RBM46: variants seen among roughly 807,000 people sequenced by gnomAD.
RBM46 encodes the protein RNA binding motif protein 46.
A neutral mutation model predicts 43.3 loss-of-function variants in RBM46; 12 were observed. The observed-to-expected ratio is 0.28, with a 90% CI of 0.18 to 0.45. RBM46 has a LOEUF of 0.45. Among genes scored for constraint, RBM46 ranks in the 20% least tolerant of loss-of-function variants. RBM46 has a pLI of 1.00. For synonymous variants in RBM46, 205 were observed against 207.6 expected, an observed-to-expected ratio of 0.99 and a Z score of 0.11; for missense variants, 412 against 639.1, an observed-to-expected ratio of 0.64 and a Z score of 3.83.
At chr4:154,789,667 A>G (rs546414801) in intron 1 of RBM46, among the ~76,000 whole-genome samples, 1 of 152,288 alleles carries the variant, frequency 6.6e-6, no homozygotes, top group East Asian at 1.9e-4. Flanking sequence ...AGGCTTTGGT[A>G]TCAGGATGAT....
At chr4:154,803,869 G>A (rs937348123) in intron 4 of RBM46, among the ~76,000 whole-genome samples, 2 of 152,072 alleles carry the variant, frequency 1.3e-5, no homozygotes, top group African/African-American at 2.4e-5. Context: ...CCCCAGTGTT[G>A]GAGTTGGGGT....
intron 4 of RBM46, among the ~76,000 whole-genome samples, chr4:154,801,295 G>T (rs764321400): frequency 3.3e-5 from 5 of 152,130 alleles, no homozygotes; most frequent in African/African-American, 4.8e-5. Flanking sequence ...AGCAAAACTT[G>T]TGGGACTAAA....
At chr4:154,803,702 C>CAAAAAAA (rs35506499) in intron 4 of RBM46, among the ~76,000 whole-genome samples, 1 of 41,324 alleles carries the variant, frequency 2.4e-5, no homozygotes, top group Non-Finnish European at 4.3e-5. Context: ...GACTACGTCT[C>CAAAAAAA]AAAAAAAAAA....
intron 2 of RBM46, among the ~76,000 whole-genome samples, chr4:154,797,231 A>C (rs1000647799): frequency 2.6e-5 from 4 of 152,204 alleles, no homozygotes; most frequent in Non-Finnish European, 5.9e-5. Context: ...AACAGCAGTG[A>C]GTAAGTGAGT....
intron 4 of RBM46, among the ~76,000 whole-genome samples, chr4:154,811,049 GAC>G (rs1735148205): frequency 6.6e-6 from 1 of 152,144 alleles, no homozygotes; most frequent in Non-Finnish European, 1.5e-5. Context: ...TAGTGAATTA[GAC>G]ACAGTTGCTG....
At chr4:154,781,738 G>C (rs72959248) in intron 1 of RBM46, 8,735 of 153,054 alleles carry the variant, frequency 0.057, 439 homozygotes, top group East Asian at 0.18. Context: ...GGCGCCCTGC[G>C]CTCTCCGCCT....
At chr4:154,802,181 T>C (rs1734669205) in intron 4 of RBM46, among the ~76,000 whole-genome samples, 1 of 152,338 alleles carries the variant, frequency 6.6e-6, no homozygotes, top group African/African-American at 2.4e-5. Flanking sequence ...CTTATGGTGC[T>C]TGACTACCTA....
intron 1 of RBM46, among the ~76,000 whole-genome samples, chr4:154,795,965 C>T (rs1024742544): frequency 6.6e-6 from 1 of 151,984 alleles, no homozygotes; most frequent in African/African-American, 2.4e-5. Flanking sequence ...TGAGACCAGC[C>T]TGGGCAACGT....
At chr4:154,791,792 G>A (rs1734107734) in intron 1 of RBM46, among the ~76,000 whole-genome samples, 1 of 152,206 alleles carries the variant, frequency 6.6e-6, no homozygotes, top group South Asian at 2.1e-4. Context: ...TATCAGGTGG[G>A]TGGTTGAATT....
chr4:154,827,651 A>G, intron 4 of RBM46: 1 of 1,356,706 alleles, frequency 7.4e-7, no homozygotes, highest in Non-Finnish European at 9.4e-7. Flanking sequence ...TCTCTGAAAC[A>G]TTGCGTGAGT....
chr4:154,797,049 A>C, intron 2 of RBM46, 146 bp downstream of exon 2: 1 of 580,514 alleles, frequency 1.7e-6, no homozygotes, highest in Non-Finnish European at 2.9e-6. Flanking sequence ...GGAGAGTTAA[A>C]TTATAAATGT....
intron 4 of RBM46, 50 bp downstream of exon 4, chr4:154,799,614 C>T: frequency 8.1e-7 from 1 of 1,232,586 alleles, no homozygotes; most frequent in Non-Finnish European, 1.1e-6. Context: ...TTAGGAAATA[C>T]TGTAGATTAT....
chr4:154,808,013 A>G (rs1734989462), intron 4 of RBM46, among the ~76,000 whole-genome samples: 2 of 152,004 alleles, frequency 1.3e-5, no homozygotes, highest in Non-Finnish European at 1.5e-5. Flanking sequence ...TTCAGTAAAT[A>G]TAATCTTTGT....
chr4:154,807,365 T>C (rs1395052911), intron 4 of RBM46, among the ~76,000 whole-genome samples: 1 of 151,462 alleles, frequency 6.6e-6, no homozygotes, highest in African/African-American at 2.4e-5. Flanking sequence ...ATCAGAAAAA[T>C]CTCTGTGAAA....
At chr4:154,825,990 A>G (rs1735938865) in intron 4 of RBM46, among the ~76,000 whole-genome samples, 1 of 152,188 alleles carries the variant, frequency 6.6e-6, no homozygotes, top group Admixed American at 6.6e-5. Context: ...GGTGTATTAC[A>G]GATAGATGGC....
At chr4:154,784,604 GA>G (rs1263875766) in intron 1 of RBM46, among the ~76,000 whole-genome samples, 4 of 152,154 alleles carry the variant, frequency 2.6e-5, no homozygotes, top group South Asian at 2.1e-4. Flanking sequence ...ACAGTTTAGG[GA>G]AAAAAATACA....
intron 4 of RBM46, among the ~76,000 whole-genome samples, chr4:154,818,275 A>G (rs1035897583): frequency 1.3e-5 from 2 of 152,152 alleles, no homozygotes; most frequent in African/African-American, 4.8e-5. Flanking sequence ...TTGTGTGGAT[A>G]TGCTTATGAC....
intron 1 of RBM46, among the ~76,000 whole-genome samples, chr4:154,787,565 T>C (rs564492495): frequency 3.3e-5 from 5 of 152,274 alleles, no homozygotes; most frequent in African/African-American, 1.2e-4. Context: ...TGCCACATTT[T>C]CTTAATCCAG....
At chr4:154,819,730 A>G (rs1339580299) in intron 4 of RBM46, among the ~76,000 whole-genome samples, 1 of 152,110 alleles carries the variant, frequency 6.6e-6, no homozygotes, top group Non-Finnish European at 1.5e-5. Context: ...ACTTTTATAC[A>G]CAATTTCTTA....
Sources: allele counts gnomAD v4.1 joint callset (sites outside exome capture counted in the v4.1 genomes callset), GRCh38; gene constraint gnomAD v4.1.1; transcripts MANE v1.5; gene names NCBI Gene and HGNC (gene_info 2026-07-23, HGNC 2026-07-21).